CSMD1: variants seen among roughly 807,000 people sequenced by gnomAD.
The protein encoded by CSMD1 is CUB and Sushi multiple domains 1.
A neutral mutation model predicts 417.5 loss-of-function variants in CSMD1; 213 were observed. That is an observed-to-expected ratio of 0.51 (90% CI 0.46 to 0.57). The LOEUF (loss-of-function observed/expected upper bound fraction) is 0.57. CSMD1 is among the 20% of genes least tolerant of loss of function. CSMD1 has a pLI of 0.00. For missense variants in CSMD1, 6,923 were observed against 4,529.7 expected, an observed-to-expected ratio of 1.53 and a Z score of -15.17; for synonymous variants, 2,862 against 1,736.8, an observed-to-expected ratio of 1.65 and a Z score of -16.11.
chr8:3,725,730 C>T (rs1563314081), intron 6 of CSMD1, among the ~76,000 whole-genome samples: 1 of 152,088 alleles, frequency 6.6e-6, no homozygotes, highest in East Asian at 1.9e-4. Context: ...GGCCACATAC[C>T]AACTGCTGTG....
In CSMD1 at chr8:4,719,355, C is replaced by T. The variant is rs544058426; in HGVS notation, c.86-81797G>A. Among the ~76,000 whole-genome samples, 5 of 152,272 alleles carry T rather than the reference C, an allele frequency of 3.3e-5. 1 individual carries two copies. The highest frequency in any genetic ancestry group is 4.1e-4 in the South Asian group (2 of 4,824). ...TTTCCTTCTCTCTCACGTGCCAATG[C>T]GCTTGAGCCTGCTCATTCTCTTTCT... On this transcript the variant is annotated intron_variant, in intron 1 of 69. Transcript: ENST00000635120.
At chr8:4,132,544 G>A (rs921754061) in intron 3 of CSMD1, among the ~76,000 whole-genome samples, 13 of 152,130 alleles carry the variant, frequency 8.5e-5, no homozygotes, top group African/African-American at 2.9e-4. Flanking sequence ...AAAATGCAAA[G>A]GGGGCAATAA....
intron 3 of CSMD1, among the ~76,000 whole-genome samples, chr8:4,037,332 C>G (rs1362056763): frequency 6.6e-6 from 1 of 152,194 alleles, no homozygotes; most frequent in Non-Finnish European, 1.5e-5. Context: ...TTCCCAGAAC[C>G]TACCAAGCAC....
chr8:4,062,451 T>C (rs535102581), intron 3 of CSMD1, among the ~76,000 whole-genome samples: 5 of 152,120 alleles, frequency 3.3e-5, no homozygotes, highest in Non-Finnish European at 7.4e-5. Flanking sequence ...CTCAGATATC[T>C]GACACAATGT....
intron 3 of CSMD1, among the ~76,000 whole-genome samples, chr8:4,107,443 T>A (rs1342453486): frequency 3.9e-5 from 6 of 152,192 alleles, no homozygotes. Flanking sequence ...TTGGTACGGA[T>A]TTGTTTAAAG....
chr8:3,580,674 C>T (rs1216300295), intron 9 of CSMD1, among the ~76,000 whole-genome samples: 1 of 152,196 alleles, frequency 6.6e-6, no homozygotes, highest in East Asian at 1.9e-4. Flanking sequence ...GAAATTTCTC[C>T]AAATTCACAG....
At chr8:3,643,392 T>C (rs1191882770) in intron 7 of CSMD1, among the ~76,000 whole-genome samples, 1 of 152,124 alleles carries the variant, frequency 6.6e-6, no homozygotes, top group Non-Finnish European at 1.5e-5. Flanking sequence ...CCAGAGTCCC[T>C]GAGTGCCTTA....
chr8:3,741,966 C>T (rs373401886), intron 6 of CSMD1, among the ~76,000 whole-genome samples: 10 of 142,638 alleles, frequency 7.0e-5, no homozygotes, highest in African/African-American at 2.6e-4. Context: ...TCCACTTTTT[C>T]CAAAGAATCT....
At chr8:4,413,611 C>T (rs942239323) in intron 3 of CSMD1, among the ~76,000 whole-genome samples, 15 of 152,192 alleles carry the variant, frequency 9.9e-5, no homozygotes, top group African/African-American at 3.1e-4. Flanking sequence ...ACCCTTATAA[C>T]GAATATTCAG....
At chr8:4,175,765 G>C (rs533677829) in intron 3 of CSMD1, among the ~76,000 whole-genome samples, 3 of 152,074 alleles carry the variant, frequency 2.0e-5, no homozygotes, top group African/African-American at 7.2e-5. Context: ...AAGTTAAAAA[G>C]ATATAAAGTC....
chr8:3,128,338 A>T (rs1817617562), intron 41 of CSMD1: 1 of 152,966 alleles, frequency 6.5e-6, no homozygotes, highest in Non-Finnish European at 1.5e-5. Context: ...AATAGAGTGC[A>T]TGGCTTGATT....
intron 1 of CSMD1, among the ~76,000 whole-genome samples, chr8:4,978,987 G>C (rs1252316639): frequency 6.6e-6 from 1 of 152,146 alleles, no homozygotes; most frequent in Non-Finnish European, 1.5e-5. Context: ...GGAGAAAGTA[G>C]TAGCAAACCT....
chr8:4,825,104 G>A (rs986607748), intron 1 of CSMD1, among the ~76,000 whole-genome samples: 31 of 152,016 alleles, frequency 2.0e-4, no homozygotes, highest in African/African-American at 7.2e-4. Flanking sequence ...ATAACTTGAT[G>A]AACAACACAA....
chr8:4,750,155 G>A (rs1044781145), intron 1 of CSMD1, among the ~76,000 whole-genome samples: 11 of 152,042 alleles, frequency 7.2e-5, no homozygotes, highest in Non-Finnish European at 7.4e-5. Flanking sequence ...ACAGGCGCCC[G>A]CCACCACGCC....
intron 11 of CSMD1, among the ~76,000 whole-genome samples, chr8:3,478,636 C>G (rs536722361): frequency 1.1e-3 from 175 of 152,228 alleles, no homozygotes; most frequent in Non-Finnish European, 1.2e-3. Context: ...CCTGAACAGG[C>G]AACAGAAGGA....
intron 2 of CSMD1, among the ~76,000 whole-genome samples, chr8:4,494,607 A>G (rs1801888486): frequency 6.6e-6 from 1 of 152,146 alleles, no homozygotes; most frequent in Admixed American, 6.5e-5. Context: ...AATTACACTA[A>G]CTATGGGTTT....
chr8:4,199,134 T>C (rs1347426013), intron 3 of CSMD1, among the ~76,000 whole-genome samples: 1 of 152,170 alleles, frequency 6.6e-6, no homozygotes, highest in Non-Finnish European at 1.5e-5. Flanking sequence ...CTCATATATT[T>C]GTATGAGACT....
At chr8:4,058,240 G>A (rs1028613264) in intron 3 of CSMD1, among the ~76,000 whole-genome samples, 1 of 151,972 alleles carries the variant, frequency 6.6e-6, no homozygotes, top group Non-Finnish European at 1.5e-5. Flanking sequence ...TCCTTGAAGA[G>A]GTCCTTCACA....
intron 26 of CSMD1, among the ~76,000 whole-genome samples, chr8:3,264,611 G>A (rs2406455): frequency 0.066 from 10,059 of 152,210 alleles, 457 homozygotes; most frequent in Non-Finnish European, 0.089. Flanking sequence ...TGCAGAAAAC[G>A]TATAAATCGA....
Sources: allele counts gnomAD v4.1 joint callset (sites outside exome capture counted in the v4.1 genomes callset), GRCh38; gene constraint gnomAD v4.1.1; transcripts MANE v1.5; gene names NCBI Gene and HGNC (gene_info 2026-07-23, HGNC 2026-07-21).